The following STEAP4 variants were observed in gnomAD, a reference collection of about 807,000 sequenced individuals.
STEAP4 encodes the protein metalloreductase STEAP4.
STEAP4 carries 36 observed loss-of-function variants against 43.6 expected under a neutral mutation model. The ratio of observed to expected loss-of-function variants is 0.83; its 90% CI spans 0.63 to 1.09. STEAP4 has a LOEUF of 1.09. Ranked by LOEUF, STEAP4 falls within the 50% of genes least tolerant of loss-of-function variation. The pLI is 0.00. For missense variants in STEAP4, 495 were observed against 546.5 expected, an observed-to-expected ratio of 0.91 and a Z score of 0.94; for synonymous variants, 191 against 196.7, an observed-to-expected ratio of 0.97 and a Z score of 0.24.
intron 1 of STEAP4, among the ~76,000 whole-genome samples, chr7:88,293,668 C>G (rs1035939653): frequency 2.0e-5 from 3 of 152,122 alleles, no homozygotes; most frequent in Non-Finnish European, 4.4e-5. Flanking sequence ...CATAACTACT[C>G]TTCTACCATT....
rs1361246166 is a variant in STEAP4, at chr7:88,283,112, A to T, written c.513T>A (p.Arg171=). 1 of 1,600,024 alleles carries T rather than the reference A, an allele frequency of 6.2e-7. No individual in the cohort carries two copies. The highest frequency in any genetic ancestry group is 1.1e-5 in the South Asian group (1 of 88,274). ...GATCCATTGGAGTAAGTCCAAGATT[A>T]CGAACAATATCCATCACTCTTTGCT... ...KAKQRVMDIV[R]NLGLTPMDQG... Residue 171 remains arginine, a synonymous_variant, in exon 3 of 5, where the codon CGT becomes CGA. Transcript: ENST00000380079.
chr7:88,285,756 C>G (rs1270439452), intron 1 of STEAP4, among the ~76,000 whole-genome samples: 1 of 78,396 alleles, frequency 1.3e-5, no homozygotes. Context: ...GACTTTGTCT[C>G]AAAAAAAAAA....
In STEAP4 at chr7:88,273,011, T is replaced by C. The variant is rs1487516273; in HGVS notation, c.*6387A>G. The C allele has an allele frequency of 6.6e-6, 1 of 152,248 alleles. No homozygotes were observed. Among genetic ancestry groups the C allele is most frequent in the Non-Finnish European group, 1.5e-5 (1 of 68,044 alleles). 9.4% of individuals were successfully genotyped at this position (152,248 alleles called of 1,614,324 possible). ...TTCTAAAACTGACAAATAACAGTTGTACATATCCATGAGGTACATAGTCAT... is the reference window on the plus strand; with the variant it reads ...TTCTAAAACTGACAAATAACAGTTGCACATATCCATGAGGTACATAGTCAT... On this transcript the variant is annotated 3_prime_UTR_variant, in exon 5 of 5. Transcript: ENST00000380079.
In STEAP4 at chr7:88,279,402, T is replaced by C; in HGVS notation, c.1376A>G (p.His459Arg). Residue 459 changes from histidine to arginine, a missense_variant, in exon 5 of 5, where the codon CAC becomes CGC. His to Arg is a conservative substitution (Grantham distance 29). Transcript: ENST00000380079. ...IRQGWERNSK[H>R] is the part of the protein sequence containing the mutation. ...ATTTTCCATTCAATGCTTTTTCTAG[T>C]GTTTTGAGTTCCTTTCCCAGCCCTG... 1.9e-6 allele frequency: 3 copies of C among 1,612,688 alleles called. No individual in the cohort carries two copies. The highest frequency in any genetic ancestry group is 2.5e-6 in the Non-Finnish European group (3 of 1,179,286).
intron 1 of STEAP4, among the ~76,000 whole-genome samples, chr7:88,303,503 A>C (rs1051487717): frequency 1.3e-5 from 2 of 151,882 alleles, no homozygotes; most frequent in Non-Finnish European, 2.9e-5. Context: ...CTCAAAAAAA[A>C]AAAAAAAAAG....
intron 4 of STEAP4, among the ~76,000 whole-genome samples, chr7:88,280,524 G>A (rs2115948729): frequency 6.6e-6 from 1 of 152,350 alleles, no homozygotes; most frequent in East Asian, 1.9e-4. Flanking sequence ...TCTTACAGAA[G>A]AGCATTAAGT....
chr7:88,306,041 G>T (rs561290992), intron 1 of STEAP4, among the ~76,000 whole-genome samples: 7 of 152,130 alleles, frequency 4.6e-5, no homozygotes, highest in Non-Finnish European at 1.0e-4. Flanking sequence ...GCTAATTTTT[G>T]TATTTTTAGT....
Position 88,301,489 on chromosome 7 carries a change from C to G in STEAP4, c.-3+5303G>C, listed in dbSNP as rs1029667680. 7.9e-5 allele frequency among the ~76,000 whole-genome samples: 12 copies of G among 152,246 alleles called. No homozygotes were observed. In the East Asian group the frequency reaches 1.9e-3, roughly 25 times the overall value. ...AGATGGGGTCTTACCATCGCCCAGG[C>G]TAGTCTTGAACTCCTGGTCTCAAGT... On this transcript the variant is annotated intron_variant, in intron 1 of 4. Coordinates refer to ENST00000380079, the MANE Select transcript of STEAP4 (RefSeq NM_024636.4).
At chr7:88,306,152 A>C (rs1227276062) in intron 1 of STEAP4, among the ~76,000 whole-genome samples, 1 of 152,220 alleles carries the variant, frequency 6.6e-6, no homozygotes, top group Admixed American at 6.5e-5. Flanking sequence ...AACAGGCTTG[A>C]GCCACCGTAC....
In STEAP4 at chr7:88,284,156, C is replaced by A; in HGVS notation, c.114G>T (p.Met38Ile). The A allele has an allele frequency of 6.2e-7, 1 of 1,614,132 alleles. No individual in the cohort carries two copies. The highest frequency in any genetic ancestry group is 8.5e-7 in the Non-Finnish European group (1 of 1,180,036). ...AAACAACAGAATAACCACACTGGAG[C>A]ATTTTCAATCCCAGTGATCTTCCAA... ...GDFGRSLGLK[M>I]LQCGYSVVFG... Residue 38 changes from methionine to isoleucine, a missense_variant, in exon 2 of 5, where the codon ATG (methionine) becomes ATT (isoleucine). By Grantham distance (10) the Met-to-Ile change is conservative. Coordinates refer to ENST00000380079, the MANE Select transcript of STEAP4 (RefSeq NM_024636.4).
chr7:88,277,853 G>A lies in STEAP4; in HGVS notation c.*1545C>T, dbSNP rs1250450457. The A allele has an allele frequency of 6.6e-6, 1 of 151,352 alleles. No homozygotes were observed. Among genetic ancestry groups the A allele is most frequent in the Admixed American group, 6.6e-5 (1 of 15,206 alleles). 9.4% of individuals were successfully genotyped at this position (151,352 alleles called of 1,614,324 possible). A position where few individuals can be genotyped will look rare whatever the true frequency, so the allele number is the denominator to read the frequency against. On this transcript the variant is annotated 3_prime_UTR_variant, in exon 5 of 5. Coordinates refer to ENST00000380079, the MANE Select transcript of STEAP4 (RefSeq NM_024636.4). ...CCAGCCTGAGCGACAGAGCAAGACT[G>A]TCTCAAAAAAATAAAAAAGAAAAAA... is the stretch of plus-strand genomic sequence containing the variant.
At chr7:88,281,693 T>C (rs1233529428) in intron 3 of STEAP4, 1 of 152,230 alleles carries the variant, frequency 6.6e-6, no homozygotes, top group Non-Finnish European at 1.5e-5. Flanking sequence ...TAGCTATTTC[T>C]AAACTAGAAC....
rs1190562998 is a variant in STEAP4 at position 88,282,811 on chromosome 7, G to A, written c.814C>T (p.Arg272Ter). ...GVIAAILQLY[R>*]GTKYRRFPDW... ...GGGAATCGACGGTATTTTGTGCCTC[G>A]GTACAGTTGTAGAATGGCAGCAATA... The change falls in exon 3 of 5, where the codon CGA becomes TGA. Residue 272 changes from arginine (R) to a stop codon, truncating the protein, a stop_gained. Transcript: ENST00000380079. LOFTEE classifies it high-confidence loss of function. 17 of 1,614,114 alleles carry A rather than the reference G, an allele frequency of 1.1e-5. No individual in the cohort carries two copies. The highest frequency in any genetic ancestry group is 1.7e-4 in the Middle Eastern group (1 of 6,060).
chr7:88,289,644 A>G (rs547976024), intron 1 of STEAP4, among the ~76,000 whole-genome samples: 2 of 152,360 alleles, frequency 1.3e-5, no homozygotes, highest in Admixed American at 6.5e-5. Context: ...GACAAGAAAT[A>G]CAGGACATTC....
intron 1 of STEAP4, among the ~76,000 whole-genome samples, chr7:88,287,618 A>G (rs1390804770): frequency 6.6e-6 from 1 of 152,176 alleles, no homozygotes; most frequent in Non-Finnish European, 1.5e-5. Context: ...TGGAGATAGA[A>G]TTATAGAGGG....
At chr7:88,302,951 C>CA (rs35493493) in intron 1 of STEAP4, among the ~76,000 whole-genome samples, 19,071 of 50,248 alleles carry the variant, frequency 0.38, 3,529 homozygotes, top group East Asian at 0.76. Context: ...GAGACTGTCT[C>CA]AAAAAAAAAA....
At position 88,283,009 on chromosome 7, in the gene STEAP4, A is replaced by C; in HGVS notation, c.616T>G (p.Leu206Val). 6.2e-7 allele frequency: 1 copy of C among 1,613,804 alleles called. No individual in the cohort carries two copies. The highest frequency in any genetic ancestry group is 8.5e-7 in the Non-Finnish European group (1 of 1,179,874). ...LFPMWRFPFYLSAVLCVFLFF... is the reference protein window; with the variant it reads ...LFPMWRFPFYVSAVLCVFLFF... ...AAGAAGACACACAGCACAGCAGACA[A>C]ATAGAAGGGGAACCTCCACATTGGA... The change falls in exon 3 of 5, where the codon TTG becomes GTG. Residue 206 changes from leucine to valine, a missense_variant. Coordinates refer to ENST00000380079, the MANE Select transcript of STEAP4 (RefSeq NM_024636.4).
chr7:88,294,760 T>C (rs552679614), intron 1 of STEAP4, among the ~76,000 whole-genome samples: 3 of 152,234 alleles, frequency 2.0e-5, no homozygotes, highest in Admixed American at 6.5e-5. Flanking sequence ...GATAAAAATA[T>C]ATAAATACCT....
At position 88,285,686 on chromosome 7, in the gene STEAP4, C is replaced by T. The variant is rs187617712; in HGVS notation, c.-2-1415G>A. ...CAAAAATTAGCTGGGTGTGTTGACA[C>T]GCGCCTGTAATCTCAGCTACTCAGG... On this transcript the variant is annotated intron_variant, in intron 1 of 4. Coordinates refer to ENST00000380079, the MANE Select transcript of STEAP4 (RefSeq NM_024636.4). 4.5e-3 allele frequency among the ~76,000 whole-genome samples: 666 copies of T among 147,160 alleles called. 3 individuals are homozygous for T. Among genetic ancestry groups the T allele is most frequent in the African/African-American group, 0.016 (640 of 39,858 alleles).
Sources: allele counts gnomAD v4.1 joint callset (sites outside exome capture counted in the v4.1 genomes callset), GRCh38; gene constraint gnomAD v4.1.1; transcripts MANE v1.5; gene names NCBI Gene and HGNC (gene_info 2026-07-23, HGNC 2026-07-21).